The following DOT1L variants were observed in gnomAD, a reference collection of about 807,000 sequenced individuals.
The protein encoded by DOT1L is DOT1 like histone lysine methyltransferase, also known as histone-lysine N-methyltransferase, H3 lysine-79 specific.
In DOT1L, 33 loss-of-function variants were observed where a neutral mutation model predicts 153.3. The ratio of observed to expected loss-of-function variants is 0.22; its 90% CI spans 0.16 to 0.29. The LOEUF (loss-of-function observed/expected upper bound fraction) is 0.29, where lower values mean the gene tolerates loss of function less well. Among genes scored for constraint, DOT1L ranks in the 10% least tolerant of loss-of-function variants. The pLI, the probability that DOT1L is intolerant of heterozygous loss-of-function variation, is 1.00. For missense variants in DOT1L, 1,847 were observed against 2,119.9 expected, an observed-to-expected ratio of 0.87 and a Z score of 2.53; for synonymous variants, 1,135 against 965.1, an observed-to-expected ratio of 1.18 and a Z score of -3.26.
At chr19:2,183,547 C>G (rs1361043489) in intron 2 of DOT1L, among the ~76,000 whole-genome samples, 1 of 151,846 alleles carries the variant, frequency 6.6e-6, no homozygotes, top group Non-Finnish European at 1.5e-5. Flanking sequence ...TGGGCTTTTT[C>G]TAGAAATTGG....
intron 1 of DOT1L, among the ~76,000 whole-genome samples, chr19:2,174,956 ATATGTGTGTGTGTGTG>A (rs1380423710): frequency 2.0e-5 from 2 of 100,522 alleles, no homozygotes; most frequent in Non-Finnish European, 4.1e-5. Context: ...GTTTTTAAAT[ATATGTGTGTGTGTGTG>A]TGTGTGTGTG....
chr19:2,196,948 GCGGTGCTGTGGTTTCTGTTCCTCACCC>G lies in DOT1L; in HGVS notation c.651+2374_651+2400del, dbSNP rs1183885935. On this transcript the variant is annotated intron_variant, in intron 7 of 27. Transcript: ENST00000398665. ...TTTCGTTGCTGCTTCTAGTGTCAGC[GCGGTGCTGTGGTTTCTGTTCCTCACCC>G]CGTTGCTGTGATGGGTTTCCAGTGC... Among the ~76,000 whole-genome samples the G allele has an allele frequency of 1.2e-3, 186 of 152,326 alleles. 5 individuals carry two copies. The South Asian group carries it at 0.037, about 30-fold the overall frequency.
chr19:2,186,003 CT>C, intron 3 of DOT1L, 74 bp downstream of exon 3: 1 of 1,381,744 alleles, frequency 7.2e-7, no homozygotes, highest in Non-Finnish European at 1.0e-6. Flanking sequence ...AGGACGCATC[CT>C]ATAATTAGCT....
rs775553056 is a variant in DOT1L, at chr19:2,223,503, G to A, written c.3596+17G>A. ...CAGTGCTCGGCGAGTCCAGGGGCCC[G>A]GAGGGGGGCGGGGCCTGGCAGCAGG... On this transcript the variant is annotated intron_variant, in intron 25 of 27. Transcript: ENST00000398665. 24 of 1,592,018 alleles carry A rather than the reference G, an allele frequency of 1.5e-5. No individual in the cohort carries two copies. The highest frequency in any genetic ancestry group is 1.1e-4 in the East Asian group (5 of 43,836).
intron 27 of DOT1L, chr19:2,229,468 G>A: frequency 1.1e-5 from 11 of 985,470 alleles, no homozygotes; most frequent in African/African-American, 1.7e-5. Flanking sequence ...GGGCACCTGC[G>A]GGCTGGACAA....
At chr19:2,211,418 A>G (rs2023709097) in intron 15 of DOT1L, among the ~76,000 whole-genome samples, 1 of 152,140 alleles carries the variant, frequency 6.6e-6, no homozygotes, top group Non-Finnish European at 1.5e-5. Context: ...CTTACCCAGG[A>G]GATGCTGGGT....
At chr19:2,187,833 A>C (rs1048118805) in intron 3 of DOT1L, among the ~76,000 whole-genome samples, 21 of 151,276 alleles carry the variant, frequency 1.4e-4, no homozygotes, top group African/African-American at 3.9e-4. Context: ...GAGGCAGGAG[A>C]ATGGTGTGAA....
rs570002064 is a variant in DOT1L, at chr19:2,230,599, G to A, written c.*807G>A. The A allele has an allele frequency of 2.5e-5, 10 of 398,678 alleles. No homozygotes were observed. The highest frequency in any genetic ancestry group is 1.6e-4 in the African/African-American group (8 of 48,766). The allele number at this position is 398,678 out of a possible 1,614,324, so 24.7% of individuals were successfully genotyped here. On this transcript the variant is annotated 3_prime_UTR_variant, in exon 28 of 28. Transcript: ENST00000398665. ...GCGATGCGGGGCAGGCCTGTCGTGG[G>A]TCCCTTGGTGTTTCTGTACAGGAGA...
intron 3 of DOT1L, among the ~76,000 whole-genome samples, chr19:2,186,611 T>G (rs916619851): frequency 6.6e-6 from 1 of 152,222 alleles, no homozygotes; most frequent in Non-Finnish European, 1.5e-5. Context: ...GCACTTTACC[T>G]GGCTCTCCGG....
intron 2 of DOT1L, among the ~76,000 whole-genome samples, chr19:2,182,161 A>C (rs1186018422): frequency 6.6e-6 from 1 of 152,036 alleles, no homozygotes; most frequent in Non-Finnish European, 1.5e-5. Flanking sequence ...CAGGGGGCGG[A>C]GGTTGCAGTG....
At chr19:2,186,027 T>C in intron 3 of DOT1L, 98 bp downstream of exon 3, 1 of 1,139,980 alleles carries the variant, frequency 8.8e-7, no homozygotes, top group Non-Finnish European at 1.3e-6. Flanking sequence ...TCTTAGATGG[T>C]GCAAGCTGAT....
intron 8 of DOT1L, among the ~76,000 whole-genome samples, chr19:2,201,271 C>G (rs943652256): frequency 3.3e-5 from 5 of 151,230 alleles, no homozygotes; most frequent in Non-Finnish European, 7.4e-5. Flanking sequence ...CCCCGCATTC[C>G]TCGTCCTCCC....
intron 27 of DOT1L, chr19:2,228,196 C>T (rs750015963): frequency 4.4e-6 from 6 of 1,364,976 alleles, no homozygotes; most frequent in Admixed American, 3.8e-5. Flanking sequence ...CCCTCCTTCA[C>T]GGTGCACCAC....
At chr19:2,187,506 C>T (rs1472043284) in intron 3 of DOT1L, among the ~76,000 whole-genome samples, 1 of 152,220 alleles carries the variant, frequency 6.6e-6, no homozygotes, top group Non-Finnish European at 1.5e-5. Context: ...AGACCAAGGA[C>T]AGCCCCAGCT....
intron 1 of DOT1L, among the ~76,000 whole-genome samples, chr19:2,178,415 A>T (rs1409944006): frequency 3.9e-5 from 5 of 128,356 alleles, no homozygotes; most frequent in Admixed American, 7.9e-5. Flanking sequence ...TCACTTTGAA[A>T]TTTTTTTTTT....
intron 16 of DOT1L, chr19:2,213,252 G>A (rs533333830): frequency 5.3e-5 from 19 of 357,512 alleles, no homozygotes. Flanking sequence ...CTTGGCATTG[G>A]CCGGCCTCTG....
At chr19:2,211,301 C>A in intron 15 of DOT1L, 89 bp downstream of exon 15, 1 of 1,160,424 alleles carries the variant, frequency 8.6e-7, no homozygotes, top group Non-Finnish European at 1.2e-6. Context: ...CTCGCAGCAG[C>A]CCCCGTGACC....
intron 7 of DOT1L, among the ~76,000 whole-genome samples, chr19:2,199,121 A>G (rs2023141118): frequency 6.6e-6 from 1 of 152,242 alleles, no homozygotes; most frequent in Non-Finnish European, 1.5e-5. Context: ...TTGATTGTCC[A>G]GATGCTACCG....
In DOT1L at chr19:2,226,441, G is replaced by A. The variant is rs761573687; in HGVS notation, c.3920G>A (p.Ser1307Asn). 6.2e-7 allele frequency: 1 copy of A among 1,601,656 alleles called. No homozygotes were observed. The highest frequency in any genetic ancestry group is 1.1e-5 in the South Asian group (1 of 90,756). The change falls in exon 27 of 28, where the codon AGC becomes AAC. Residue 1307 changes from serine to asparagine, a missense_variant. Around this residue, in one of 8 missense-constraint regions of DOT1L, gnomAD observed 934 missense variants for 825.3 expected, o/e 1.13. Coordinates refer to ENST00000398665, the MANE Select transcript of DOT1L (RefSeq NM_032482.3). Reference protein sequence around the residue: ...PGSLSGADGLSPGTNPANGCT... With the variant: ...PGSLSGADGLNPGTNPANGCT... ...TCCCTGTCGGGGGCTGACGGACTCA[G>A]CCCGGGCACCAACCCTGCCAACGGC...
Sources: gnomAD v4.1 joint callset for allele counts (sites outside exome capture counted in the v4.1 genomes callset) on GRCh38, gnomAD v4.1.1 for gene constraint, gnomAD v4.1.1 regional missense constraint, MANE v1.5 for transcripts, NCBI Gene and HGNC (gene_info 2026-07-23, HGNC 2026-07-21) for gene names.